Variants in IQGAP1 observed in about 807,000 individuals in gnomAD.
The protein encoded by IQGAP1 is ras GTPase-activating-like protein IQGAP1.
IQGAP1 carries 66 observed loss-of-function variants against 215.6 expected under a neutral mutation model. The observed-to-expected ratio is 0.31, with a 90% CI of 0.25 to 0.38. The LOEUF (loss-of-function observed/expected upper bound fraction) is 0.38, where lower values mean the gene tolerates loss of function less well. Ranked by LOEUF, IQGAP1 falls within the 10% of genes least tolerant of loss-of-function variation. The probability of loss-of-function intolerance (pLI) is 1.00; values close to 1 mark genes in which losing one functional copy is unlikely to be tolerated. For missense variants in IQGAP1, 1,712 were observed against 1,997.1 expected, an observed-to-expected ratio of 0.86 and a Z score of 2.72; for synonymous variants, 772 against 728.7, an observed-to-expected ratio of 1.06 and a Z score of -0.96.
chr15:90,476,930 G>C, intron 24 of IQGAP1, 112 bp downstream of exon 24: 2 of 1,329,318 alleles, frequency 1.5e-6, no homozygotes, highest in South Asian at 2.6e-5. Flanking sequence ...TGAGGGGTGA[G>C]TGAGGGGCAC....
intron 17 of IQGAP1, among the ~76,000 whole-genome samples, chr15:90,466,744 G>A (rs1965838327): frequency 1.3e-5 from 2 of 152,052 alleles, no homozygotes; most frequent in African/African-American, 4.8e-5. Context: ...TAGTTTGTCT[G>A]TAAAAAGAGG....
intron 5 of IQGAP1, among the ~76,000 whole-genome samples, chr15:90,438,968 G>A (rs1249760340): frequency 4.6e-5 from 7 of 151,800 alleles, no homozygotes; most frequent in Admixed American, 1.3e-4. Context: ...CAGGTGATCC[G>A]CCCACCTCAG....
chr15:90,430,259 A>G (rs1355082817), intron 4 of IQGAP1, among the ~76,000 whole-genome samples: 1 of 152,132 alleles, frequency 6.6e-6, no homozygotes, highest in African/African-American at 2.4e-5. Context: ...TGAATCTATA[A>G]CTGCCACACT....
At chr15:90,404,390 A>G (rs951225804) in intron 2 of IQGAP1, among the ~76,000 whole-genome samples, 6 of 152,176 alleles carry the variant, frequency 3.9e-5, no homozygotes, top group African/African-American at 1.2e-4. Context: ...ATTTTGGATT[A>G]TCTAATTATG....
intron 20 of IQGAP1, 32 bp from the exon 21 acceptor site, chr15:90,473,864 C>G: frequency 6.2e-7 from 1 of 1,612,440 alleles, no homozygotes; most frequent in Non-Finnish European, 8.5e-7. Context: ...AGATGAAGGA[C>G]TCTTCTAATT....
chr15:90,451,181 A>G (rs796922502), intron 11 of IQGAP1, among the ~76,000 whole-genome samples: 6 of 152,232 alleles, frequency 3.9e-5, no homozygotes, highest in African/African-American at 1.2e-4. Context: ...TCTTCTGCAT[A>G]TGGTTATCCA....
chr15:90,494,924 A>T, intron 36 of IQGAP1, 89 bp downstream of exon 36: 1 of 920,258 alleles, frequency 1.1e-6, no homozygotes, highest in Admixed American at 2.5e-5. Flanking sequence ...TCTTTTCTGG[A>T]TGGTTACTTT....
At chr15:90,426,078 T>A in intron 2 of IQGAP1, 32 bp from the exon 3 acceptor site, 1 of 1,574,502 alleles carries the variant, frequency 6.4e-7, no homozygotes, top group Non-Finnish European at 8.6e-7. Flanking sequence ...ACCTTCCCTT[T>A]CTTTTTTTGC....
chr15:90,450,093 T>C (rs1365303322), intron 11 of IQGAP1, among the ~76,000 whole-genome samples: 1 of 152,144 alleles, frequency 6.6e-6, no homozygotes, highest in Non-Finnish European at 1.5e-5. Flanking sequence ...ACCTATTCCT[T>C]GTATCTAATG....
chr15:90,446,958 A>G (rs1471568404), intron 9 of IQGAP1, among the ~76,000 whole-genome samples: 1 of 152,182 alleles, frequency 6.6e-6, no homozygotes, highest in Non-Finnish European at 1.5e-5. Context: ...CACTTCTAGA[A>G]AAAGCAAAAT....
At chr15:90,393,219 T>G (rs1283225369) in intron 2 of IQGAP1, among the ~76,000 whole-genome samples, 1 of 152,024 alleles carries the variant, frequency 6.6e-6, no homozygotes, top group Non-Finnish European at 1.5e-5. Context: ...GGGGGTTTGG[T>G]TCCAGGACAC....
intron 6 of IQGAP1, among the ~76,000 whole-genome samples, 199 bp downstream of exon 6, chr15:90,439,598 A>C (rs1965420425): frequency 6.6e-6 from 1 of 152,244 alleles, no homozygotes; most frequent in African/African-American, 2.4e-5. Flanking sequence ...CTCACTTAAT[A>C]ATGTGAACAT....
At chr15:90,414,013 G>T (rs930485062) in intron 2 of IQGAP1, among the ~76,000 whole-genome samples, 1 of 151,822 alleles carries the variant, frequency 6.6e-6, no homozygotes, top group Non-Finnish European at 1.5e-5. Flanking sequence ...CCTCCTTCAC[G>T]TGTTCTTTTC....
rs775025356 is a variant in IQGAP1 at position 90,473,701 on chromosome 15, T to C, written c.2350-14T>C. On this transcript the variant is annotated splice_polypyrimidine_tract_variant and intron_variant, in intron 19 of 37. Transcript: ENST00000268182. The stretch of plus-strand genomic sequence containing the variant: ...GGGAAGTAATATGTCTTCTGTAACA[T>C]TTGACTGTTTCAGTCACAGTGGAGA... The C allele has an allele frequency of 1.3e-6, 2 of 1,585,030 alleles. No individual in the cohort carries two copies. Among genetic ancestry groups the C allele is most frequent in the Admixed American group, 1.7e-5 (1 of 59,572 alleles).
At chr15:90,433,155 A>G (rs1689751181) in intron 4 of IQGAP1, among the ~76,000 whole-genome samples, 1 of 152,208 alleles carries the variant, frequency 6.6e-6, no homozygotes, top group African/African-American at 2.4e-5. Flanking sequence ...TCCCTCATAC[A>G]TGCTCTATTC....
chr15:90,398,278 G>T (rs1301099402), intron 2 of IQGAP1, among the ~76,000 whole-genome samples: 2 of 152,050 alleles, frequency 1.3e-5, no homozygotes, highest in Non-Finnish European at 2.9e-5. Flanking sequence ...TCCTAAGGTT[G>T]GTAGCCCTAG....
At chr15:90,438,269 C>T (rs1338824597) in intron 5 of IQGAP1, among the ~76,000 whole-genome samples, 1 of 152,192 alleles carries the variant, frequency 6.6e-6, no homozygotes, top group African/African-American at 2.4e-5. Flanking sequence ...CTGATCTCTT[C>T]TAATTTATTG....
At chr15:90,392,657 T>G (rs1383165777) in intron 2 of IQGAP1, among the ~76,000 whole-genome samples, 2 of 152,142 alleles carry the variant, frequency 1.3e-5, no homozygotes, top group East Asian at 3.8e-4. Flanking sequence ...GTTCAACTGC[T>G]AATCTAGTTC....
At chr15:90,422,854 C>A (rs1458950598) in intron 2 of IQGAP1, among the ~76,000 whole-genome samples, 1 of 151,712 alleles carries the variant, frequency 6.6e-6, no homozygotes, top group Non-Finnish European at 1.5e-5. Flanking sequence ...TGCCACCACG[C>A]CTGGCTAATT....
Sources: allele counts gnomAD v4.1 joint callset (sites outside exome capture counted in the v4.1 genomes callset), GRCh38; gene constraint gnomAD v4.1.1; transcripts MANE v1.5; gene names NCBI Gene and HGNC (gene_info 2026-07-23, HGNC 2026-07-21).